The following AKAP6 variants were observed in gnomAD, a reference collection of about 807,000 sequenced individuals.
AKAP6 encodes A-kinase anchoring protein 6, also known as A-kinase anchor protein 6.
Under a neutral mutation model 188.5 loss-of-function variants are expected in AKAP6, and 58 were observed. The ratio of observed to expected loss-of-function variants is 0.31; its 90% CI spans 0.25 to 0.38. The LOEUF is 0.38. AKAP6 is among the 10% of genes least tolerant of loss of function. The probability of loss-of-function intolerance (pLI) is 1.00; values close to 1 mark genes in which losing one functional copy is unlikely to be tolerated. For synonymous variants in AKAP6, 989 were observed against 998.6 expected (o/e 0.99, Z 0.18); for missense variants, 2,710 against 2,740.0 (o/e 0.99, Z 0.24).
chr14:32,829,839 T>G lies in AKAP6; in HGVS notation c.*43-9T>G, dbSNP rs1328336081. The G allele has an allele frequency of 8.7e-6, 6 of 693,542 alleles. No individual in the cohort carries two copies. The African/African-American group carries it at 1.1e-4, about 12-fold the overall frequency. The allele number at this position is 693,542 out of a possible 1,614,324, so 43.0% of individuals were successfully genotyped here. A position where few individuals can be genotyped will look rare whatever the true frequency, so the allele number is the denominator to read the frequency against. ...AAACCTTTTCTTGTCACTTTTTTGT[T>G]TCTTGTAGATACGCCTGGCTGCAAC... On this transcript the variant is annotated splice_polypyrimidine_tract_variant and intron_variant, in intron 13 of 13. Coordinates refer to ENST00000280979, the MANE Select transcript of AKAP6 (RefSeq NM_004274.5).
chr14:32,525,478 G>C (rs945708886), intron 2 of AKAP6, among the ~76,000 whole-genome samples: 2 of 152,198 alleles, frequency 1.3e-5, no homozygotes, highest in Non-Finnish European at 2.9e-5. Flanking sequence ...TCAGAGACGT[G>C]AAGGCAGAAG....
chr14:32,540,168 C>CTCTCTCTATATATATATA (rs1240063339), intron 3 of AKAP6, among the ~76,000 whole-genome samples: 8 of 60,916 alleles, frequency 1.3e-4, no homozygotes, highest in African/African-American at 7.8e-4. Flanking sequence ...CTCTCTCTCT[C>CTCTCTCTATATATATATA]TATATATATA....
At chr14:32,510,437 TG>T (rs1881168300) in intron 2 of AKAP6, among the ~76,000 whole-genome samples, 1 of 35,186 alleles carries the variant, frequency 2.8e-5, no homozygotes, top group Non-Finnish European at 6.7e-5. Context: ...TATATATATG[TG>T]TATATATATA....
chr14:32,775,455 T>A (rs1245392545), intron 12 of AKAP6, among the ~76,000 whole-genome samples: 3 of 150,408 alleles, frequency 2.0e-5, no homozygotes, highest in Non-Finnish European at 4.4e-5. Flanking sequence ...TTTTCAAGGA[T>A]GGAGTCTTTC....
chr14:32,808,699 C>T (rs927998663), intron 12 of AKAP6, among the ~76,000 whole-genome samples: 3 of 152,138 alleles, frequency 2.0e-5, no homozygotes, highest in Non-Finnish European at 4.4e-5. Flanking sequence ...TCTTTCTGAG[C>T]AGCACTCATA....
At chr14:32,565,336 A>G (rs971243107) in intron 4 of AKAP6, among the ~76,000 whole-genome samples, 2 of 152,214 alleles carry the variant, frequency 1.3e-5, no homozygotes, top group Non-Finnish European at 2.9e-5. Flanking sequence ...CTCCTTCTGA[A>G]TTTTGTATTT....
intron 5 of AKAP6, among the ~76,000 whole-genome samples, chr14:32,589,512 T>C (rs1566592189): frequency 6.6e-6 from 1 of 152,188 alleles, no homozygotes; most frequent in Non-Finnish European, 1.5e-5. Flanking sequence ...TTGGACTACA[T>C]TCCTTTACTC....
intron 7 of AKAP6, among the ~76,000 whole-genome samples, chr14:32,638,441 G>A (rs571721810): frequency 1.2e-4 from 19 of 152,066 alleles, no homozygotes; most frequent in South Asian, 4.2e-4. Context: ...CTATTTCACC[G>A]TGTATTAGCA....
rs116037803 is a variant in AKAP6, at chr14:32,437,081, G to A, written c.324+3264G>A. On this transcript the variant is annotated intron_variant, in intron 2 of 13. Coordinates refer to ENST00000280979, the MANE Select transcript of AKAP6 (RefSeq NM_004274.5). ...TTTTCTCCTTGTTCATAAAGCTCCA[G>A]ATTCACTGTAAGTTCCAAAGAAGCA... is the stretch of plus-strand genomic sequence containing the variant. Among the ~76,000 whole-genome samples, 940 of 152,278 alleles carry A rather than the reference G, an allele frequency of 6.2e-3. 8 individuals carry two copies. The highest frequency in any genetic ancestry group is 0.021 in the African/African-American group (875 of 41,534).
At chr14:32,604,600 T>C (rs919893690) in intron 7 of AKAP6, among the ~76,000 whole-genome samples, 5 of 152,188 alleles carry the variant, frequency 3.3e-5, no homozygotes, top group Non-Finnish European at 5.9e-5. Flanking sequence ...GCCAGACTGC[T>C]TGAGTTCAGT....
chr14:32,381,705 T>A lies in AKAP6; in HGVS notation c.-34-51755T>A, dbSNP rs181215508. ...TCAACATCTTCTGCTTTTTTGGCCATTCCTTTAGTTACCCCTATTCCTCCA... is the reference window on the plus strand; with the variant it reads ...TCAACATCTTCTGCTTTTTTGGCCAATCCTTTAGTTACCCCTATTCCTCCA... On this transcript the variant is annotated intron_variant, in intron 1 of 13. Coordinates refer to ENST00000280979, the MANE Select transcript of AKAP6 (RefSeq NM_004274.5). Among the ~76,000 whole-genome samples, 138 of 151,856 alleles carry A rather than the reference T, an allele frequency of 9.1e-4. 1 individual carries two copies. The East Asian group carries it at 0.022, about 25-fold the overall frequency.
At chr14:32,463,778 C>T (rs1428941379) in intron 2 of AKAP6, among the ~76,000 whole-genome samples, 3 of 152,138 alleles carry the variant, frequency 2.0e-5, no homozygotes, top group East Asian at 3.9e-4. Flanking sequence ...GACACAAAAA[C>T]CCTTCAAAAA....
chr14:32,433,022 A>G (rs1049051375), intron 1 of AKAP6: 1 of 165,944 alleles, frequency 6.0e-6, no homozygotes, highest in African/African-American at 2.4e-5. Flanking sequence ...GTAGAAGGGC[A>G]TAAAGGGAGC....
At chr14:32,633,167 C>T (rs1033744664) in intron 7 of AKAP6, among the ~76,000 whole-genome samples, 1 of 152,042 alleles carries the variant, frequency 6.6e-6, no homozygotes, top group African/African-American at 2.4e-5. Flanking sequence ...GTCTTTGATT[C>T]ACATTTCAGT....
intron 8 of AKAP6, chr14:32,693,624 T>TA (rs1486785900): frequency 7.9e-5 from 12 of 152,182 alleles, no homozygotes; most frequent in Non-Finnish European, 1.5e-4. Flanking sequence ...GCCTCCTTTC[T>TA]AGGTCTTAGG....
intron 1 of AKAP6, among the ~76,000 whole-genome samples, chr14:32,430,931 C>T (rs555136637): frequency 3.9e-4 from 59 of 152,032 alleles, no homozygotes; most frequent in African/African-American, 1.4e-3. Context: ...ACAGTGAAAC[C>T]CTGTCTCTAC....
chr14:32,575,816 C>G (rs1419649118), intron 4 of AKAP6, among the ~76,000 whole-genome samples: 1 of 152,082 alleles, frequency 6.6e-6, no homozygotes, highest in Non-Finnish European at 1.5e-5. Context: ...AGACTGAGCT[C>G]TATCTAAACA....
intron 2 of AKAP6, among the ~76,000 whole-genome samples, chr14:32,517,447 G>A (rs905170203): frequency 2.0e-5 from 3 of 152,202 alleles, no homozygotes; most frequent in South Asian, 2.1e-4. Flanking sequence ...GACAGTGGGT[G>A]CAGCCTATGG....
intron 11 of AKAP6, among the ~76,000 whole-genome samples, chr14:32,753,524 A>C (rs2032218323): frequency 6.6e-6 from 1 of 151,944 alleles, no homozygotes; most frequent in African/African-American, 2.4e-5. Flanking sequence ...TTTTAGTTTG[A>C]TGTAATTCTA....
Sources: allele counts gnomAD v4.1 joint callset (sites outside exome capture counted in the v4.1 genomes callset), GRCh38; gene constraint gnomAD v4.1.1; transcripts MANE v1.5; gene names NCBI Gene and HGNC (gene_info 2026-07-23, HGNC 2026-07-21).